The following OLFM3 variants were observed in gnomAD, a reference collection of about 807,000 sequenced individuals.
The protein encoded by OLFM3 is olfactomedin 3, also known as noelin-3.
In OLFM3, 20 loss-of-function variants were observed where a neutral mutation model predicts 48.6. The ratio of observed to expected loss-of-function variants is 0.41; its 90% confidence interval spans 0.29 to 0.60. The LOEUF is 0.60. OLFM3 is among the 20% of genes least tolerant of loss of function. The pLI, the probability that OLFM3 is intolerant of heterozygous loss-of-function variation, is 0.28. For synonymous variants in OLFM3, 222 were observed against 198.1 expected (o/e 1.12, Z -1.01); for missense variants, 437 against 544.3 (o/e 0.80, Z 1.96).
At chr1:101,896,215 G>A (rs920688761) in intron 1 of OLFM3, among the ~76,000 whole-genome samples, 1 of 151,880 alleles carries the variant, frequency 6.6e-6, no homozygotes, top group Non-Finnish European at 1.5e-5. Context: ...AAACTGACCA[G>A]GTTGTGTTTA....
intron 1 of OLFM3, among the ~76,000 whole-genome samples, chr1:101,971,941 T>C (rs1660816323): frequency 6.6e-6 from 1 of 151,554 alleles, no homozygotes; most frequent in Non-Finnish European, 1.5e-5. Flanking sequence ...ATAGTGTATA[T>C]ACACATACTT....
At chr1:101,962,512 T>C (rs2101085427) in intron 1 of OLFM3, among the ~76,000 whole-genome samples, 1 of 152,268 alleles carries the variant, frequency 6.6e-6, no homozygotes, top group African/African-American at 2.4e-5. Flanking sequence ...AACTTTCTTT[T>C]TGATTTTTAT....
At chr1:101,810,351 T>A (rs1653989678) in intron 4 of OLFM3, among the ~76,000 whole-genome samples, 1 of 151,964 alleles carries the variant, frequency 6.6e-6, no homozygotes, top group African/African-American at 2.4e-5. Flanking sequence ...AAAAGCATGT[T>A]AATATAAATA....
chr1:101,834,975 A>G (rs1334530737), intron 2 of OLFM3, among the ~76,000 whole-genome samples: 1 of 152,178 alleles, frequency 6.6e-6, no homozygotes, highest in Non-Finnish European at 1.5e-5. Flanking sequence ...ACTTTCTGAC[A>G]TTTATACTTT....
At chr1:101,860,442 C>A (rs1290790911) in intron 1 of OLFM3, among the ~76,000 whole-genome samples, 3 of 151,942 alleles carry the variant, frequency 2.0e-5, no homozygotes, top group African/African-American at 7.3e-5. Context: ...TAGTTTCATT[C>A]CACAATCATG....
At chr1:101,943,150 T>C (rs1659845342) in intron 1 of OLFM3, among the ~76,000 whole-genome samples, 1 of 152,222 alleles carries the variant, frequency 6.6e-6, no homozygotes, top group South Asian at 2.1e-4. Flanking sequence ...ATTTTATAAA[T>C]TGTATTAATG....
chr1:101,844,274 T>C, intron 1 of OLFM3, among the ~76,000 whole-genome samples: 1 of 152,126 alleles, frequency 6.6e-6, no homozygotes, highest in East Asian at 1.9e-4. Flanking sequence ...AGAGTATAGC[T>C]TTTCTCCAAT....
At chr1:101,813,093 A>T in intron 4 of OLFM3, 1 of 1,289,876 alleles carries the variant, frequency 7.8e-7, no homozygotes, top group Non-Finnish European at 1.0e-6. Context: ...ACTATTGCTT[A>T]TGCTTCTCCT....
chr1:101,873,307 A>T (rs540568431), intron 1 of OLFM3, among the ~76,000 whole-genome samples: 1 of 151,956 alleles, frequency 6.6e-6, no homozygotes, highest in Non-Finnish European at 1.5e-5. Context: ...AATCCCAAAA[A>T]TGATTTAACA....
chr1:101,873,637 T>C (rs1189627025), intron 1 of OLFM3, among the ~76,000 whole-genome samples: 1 of 151,630 alleles, frequency 6.6e-6, no homozygotes, highest in East Asian at 1.9e-4. Flanking sequence ...TTTTTTTTTA[T>C]TTACAATGTA....
chr1:101,980,409 A>G (rs1338953201), intron 1 of OLFM3, among the ~76,000 whole-genome samples: 1 of 152,112 alleles, frequency 6.6e-6, no homozygotes, highest in Admixed American at 6.5e-5. Context: ...TGACTGGATC[A>G]TGGGGGTGGT....
At chr1:101,906,011 C>T (rs1658538908) in intron 1 of OLFM3, among the ~76,000 whole-genome samples, 1 of 152,100 alleles carries the variant, frequency 6.6e-6, no homozygotes. Context: ...CACATCTCTT[C>T]CCTTTTTTAA....
intron 1 of OLFM3, among the ~76,000 whole-genome samples, chr1:101,987,583 A>T (rs1027985332): frequency 7.9e-5 from 12 of 152,154 alleles, no homozygotes; most frequent in African/African-American, 2.9e-4. Flanking sequence ...GTAAATGTAG[A>T]TCACTCCCAG....
chr1:101,903,212 G>A (rs919703875), intron 1 of OLFM3, among the ~76,000 whole-genome samples: 21 of 152,064 alleles, frequency 1.4e-4, no homozygotes, highest in Non-Finnish European at 2.4e-4. Context: ...TGGAACAGAA[G>A]GGAAGCCCAA....
intron 1 of OLFM3, among the ~76,000 whole-genome samples, chr1:101,939,408 G>A (rs1201081975): frequency 6.6e-6 from 1 of 152,078 alleles, no homozygotes; most frequent in Non-Finnish European, 1.5e-5. Context: ...GTGGTCAGAT[G>A]TGTTGAGCCC....
At position 101,903,601 on chromosome 1, in the gene OLFM3, T is replaced by C. The variant is rs1658457776; in HGVS notation, c.70-66576A>G. Among the ~76,000 whole-genome samples, 4 of 152,072 alleles carry C rather than the reference T, an allele frequency of 2.6e-5. No individual in the cohort carries two copies. The South Asian group carries it at 8.3e-4, about 31-fold the overall frequency. On this transcript the variant is annotated intron_variant, in intron 1 of 5. Coordinates refer to ENST00000370103, the MANE Select transcript of OLFM3 (RefSeq NM_058170.4). Reference sequence around the variant, plus strand: ...GTATGCTATATAGTTTTTATTGCTTTTGCTATTTTATACTTTGTTTATGAT... The same window carrying C: ...GTATGCTATATAGTTTTTATTGCTTCTGCTATTTTATACTTTGTTTATGAT...
chr1:101,841,639 G>A (rs191215993), intron 1 of OLFM3, among the ~76,000 whole-genome samples: 166 of 152,302 alleles, frequency 1.1e-3, no homozygotes, highest in African/African-American at 3.9e-3. Context: ...TATATAGTCA[G>A]ATATTCCTGT....
chr1:101,907,332 T>A (rs1487375550), intron 1 of OLFM3, among the ~76,000 whole-genome samples: 1 of 152,192 alleles, frequency 6.6e-6, no homozygotes, highest in Non-Finnish European at 1.5e-5. Flanking sequence ...ACAAAACCAT[T>A]TTGATGACAA....
chr1:101,811,483 A>C (rs1232512242), intron 4 of OLFM3, among the ~76,000 whole-genome samples: 7 of 152,182 alleles, frequency 4.6e-5, no homozygotes, highest in Non-Finnish European at 8.8e-5. Context: ...ACTCAAACAA[A>C]TTTACAAGAA....
Sources: gnomAD v4.1 joint callset for allele counts (sites outside exome capture counted in the v4.1 genomes callset) on GRCh38, gnomAD v4.1.1 for gene constraint, MANE v1.5 for transcripts, NCBI Gene and HGNC (gene_info 2026-07-23, HGNC 2026-07-21) for gene names.